The following CCDC30 variants were observed in gnomAD, a reference collection of about 807,000 sequenced individuals.
CCDC30 encodes coiled-coil domain-containing protein 30.
CCDC30 carries 70 observed loss-of-function variants against 100.2 expected under a neutral mutation model. The observed-to-expected ratio is 0.70, with a 90% CI of 0.58 to 0.85. CCDC30 has a LOEUF of 0.85. CCDC30 is among the 40% of genes least tolerant of loss of function. CCDC30 has a pLI of 0.00. For missense variants in CCDC30, 652 were observed against 771.2 expected (o/e 0.85, Z 1.83); for synonymous variants, 233 against 269.5 (o/e 0.86, Z 1.33).
intron 6 of CCDC30, among the ~76,000 whole-genome samples, chr1:42,510,356 A>C (rs1410536009): frequency 6.6e-6 from 1 of 152,132 alleles, no homozygotes; most frequent in Non-Finnish European, 1.5e-5. Flanking sequence ...GAGAGGTTAA[A>C]CACTTGAGTT....
intron 1 of CCDC30, among the ~76,000 whole-genome samples, chr1:42,470,223 A>G (rs1643723949): frequency 6.6e-6 from 1 of 152,166 alleles, no homozygotes; most frequent in Non-Finnish European, 1.5e-5. Flanking sequence ...CAGAGATTGG[A>G]GGTCTCACTG....
intron 6 of CCDC30, among the ~76,000 whole-genome samples, chr1:42,508,107 A>C (rs1368342188): frequency 1.3e-5 from 2 of 152,222 alleles, no homozygotes; most frequent in African/African-American, 4.8e-5. Flanking sequence ...TAATTGGATT[A>C]CTGGCTTCAG....
At chr1:42,542,004 G>A (rs546995782) in intron 6 of CCDC30, among the ~76,000 whole-genome samples, 1 of 152,318 alleles carries the variant, frequency 6.6e-6, no homozygotes, top group African/African-American at 2.4e-5. Flanking sequence ...GTGATTCTCA[G>A]CCTATGCTCT....
At chr1:42,540,051 A>C (rs1012002171) in intron 6 of CCDC30, among the ~76,000 whole-genome samples, 3 of 152,244 alleles carry the variant, frequency 2.0e-5, no homozygotes, top group Non-Finnish European at 2.9e-5. Flanking sequence ...CTCCTGGCTG[A>C]AAATTCCTTT....
chr1:42,568,141 G>A (rs1233589816), intron 7 of CCDC30, among the ~76,000 whole-genome samples: 1 of 152,106 alleles, frequency 6.6e-6, no homozygotes, highest in Non-Finnish European at 1.5e-5. Context: ...CTGAGATGGA[G>A]TCTCGCTCTG....
At chr1:42,479,696 A>G (rs2148452970) in intron 1 of CCDC30, among the ~76,000 whole-genome samples, 1 of 152,248 alleles carries the variant, frequency 6.6e-6, no homozygotes, top group Non-Finnish European at 1.5e-5. Flanking sequence ...TGAGATTGAT[A>G]GCAGCTTATT....
Position 42,546,736 on chromosome 1 carries a change from A to G in CCDC30, c.457-19560A>G, listed in dbSNP as rs767584858. ...TATCTATCTGTCTATCTATCTATCT[A>G]TCTTGTTAATTTTGCCCTCTAAAGG... On this transcript the variant is annotated intron_variant, in intron 6 of 16. Coordinates refer to ENST00000668663, the Ensembl canonical transcript of CCDC30. Among the ~76,000 whole-genome samples the G allele has an allele frequency of 5.3e-5, 8 of 151,834 alleles. No individual in the cohort carries two copies. The East Asian group carries it at 5.8e-4, about 11-fold the overall frequency.
chr1:42,565,312 A>T (rs1465168211), intron 6 of CCDC30, among the ~76,000 whole-genome samples: 1 of 152,222 alleles, frequency 6.6e-6, no homozygotes, highest in Admixed American at 6.5e-5. Flanking sequence ...AATACCCAAA[A>T]TATATAAGAA....
chr1:42,562,947 G>A (rs1645524231), intron 6 of CCDC30, among the ~76,000 whole-genome samples: 1 of 152,122 alleles, frequency 6.6e-6, no homozygotes, highest in Admixed American at 6.5e-5. Flanking sequence ...TAAAAAGTCA[G>A]GAAACAATAG....
chr1:42,456,937 A>G, the CCDC30 span: 2 of 1,607,660 alleles, frequency 1.2e-6, no homozygotes, highest in Non-Finnish European at 8.5e-7. Context: ...AGGAGAATGC[A>G]CTTCCGGGTT....
intron 9 of CCDC30, among the ~76,000 whole-genome samples, chr1:42,582,684 CA>C (rs1405275179): frequency 1.3e-5 from 2 of 152,190 alleles, no homozygotes; most frequent in Admixed American, 1.3e-4. Flanking sequence ...TTGAGCATCA[CA>C]AAAAACTGTT....
chr1:42,550,597 G>A (rs1345601852), intron 6 of CCDC30, among the ~76,000 whole-genome samples: 5 of 152,144 alleles, frequency 3.3e-5, no homozygotes, highest in Admixed American at 2.0e-4. Context: ...CTTTTCATGT[G>A]GCTAACTCCT....
At chr1:42,641,213 TTTTGTGTGTG>T (rs1437720064) in intron 12 of CCDC30, among the ~76,000 whole-genome samples, 1 of 136,756 alleles carries the variant, frequency 7.3e-6, no homozygotes, top group Non-Finnish European at 1.6e-5. Context: ...CACACATGGC[TTTTGTGTGTG>T]TGTGTGTGTG....
chr1:42,547,023 G>A (rs1645159018), intron 6 of CCDC30, among the ~76,000 whole-genome samples: 1 of 152,174 alleles, frequency 6.6e-6, no homozygotes, highest in Non-Finnish European at 1.5e-5. Context: ...GATAGAAGGA[G>A]ATTATTTTGC....
rs540840194 is a variant in CCDC30, at chr1:42,620,400, A to T, written c.1277+9310A>T. Among the ~76,000 whole-genome samples the T allele has an allele frequency of 6.9e-3, 1,054 of 152,258 alleles. 21 individuals carry two copies. The highest frequency in any genetic ancestry group is 0.024 in the African/African-American group (990 of 41,546). On this transcript the variant is annotated intron_variant, in intron 11 of 16. Coordinates refer to ENST00000668663, the Ensembl canonical transcript of CCDC30. The stretch of plus-strand genomic sequence containing the variant: ...CAAACCTAAAATGAAATGTAAAAAA[A>T]CAAGCTTTTATAAAACTAGAAAACA...
intron 6 of CCDC30, among the ~76,000 whole-genome samples, chr1:42,554,909 G>A (rs753420768): frequency 5.9e-5 from 9 of 151,904 alleles, no homozygotes; most frequent in African/African-American, 1.5e-4. Context: ...TTCTGCTCAC[G>A]TTCTTCTGTG....
At chr1:42,475,079 G>T (rs1045460602) in intron 1 of CCDC30, among the ~76,000 whole-genome samples, 1 of 151,898 alleles carries the variant, frequency 6.6e-6, no homozygotes, top group African/African-American at 2.4e-5. Context: ...TTAAAACCTG[G>T]TATGTTGATA....
the CCDC30 span, chr1:42,457,162 C>T: frequency 1.9e-6 from 3 of 1,598,050 alleles, no homozygotes; most frequent in Admixed American, 5.1e-5. Context: ...ACCCACGGAT[C>T]TCAGCTGGGG....
At chr1:42,474,639 G>A (rs12025180) in intron 1 of CCDC30, among the ~76,000 whole-genome samples, 30,455 of 151,962 alleles carry the variant, frequency 0.2, 3,320 homozygotes, top group South Asian at 0.42. Context: ...GCACTTTGGC[G>A]TACTAAGAAC....
Sources: gnomAD v4.1 joint callset for allele counts (sites outside exome capture counted in the v4.1 genomes callset) on GRCh38, gnomAD v4.1.1 for gene constraint, MANE v1.5 for transcripts, NCBI Gene and HGNC (gene_info 2026-07-23, HGNC 2026-07-21) for gene names.